The following ENOSF1 variants were observed in gnomAD, a reference collection of about 807,000 sequenced individuals.
The protein encoded by ENOSF1 is mitochondrial enolase superfamily member 1.
ENOSF1 carries 73 observed loss-of-function variants against 68.2 expected under a neutral mutation model. The observed-to-expected ratio is 1.07, with a 90% CI of 0.89 to 1.30. The LOEUF (loss-of-function observed/expected upper bound fraction) is 1.30. Ranked by LOEUF, ENOSF1 falls within the 50% of genes most tolerant of loss-of-function variation. The probability of loss-of-function intolerance (pLI) is 0.00; values close to 1 mark genes in which losing one functional copy is unlikely to be tolerated. For synonymous variants in ENOSF1, 223 were observed against 210.4 expected, an observed-to-expected ratio of 1.06 and a Z score of -0.52; for missense variants, 589 against 554.5, an observed-to-expected ratio of 1.06 and a Z score of -0.62.
chr18:667,523 T>A (rs868756626), downstream of ENOSF1, among the ~76,000 whole-genome samples: 3 of 56,002 alleles, frequency 5.4e-5, no homozygotes, highest in African/African-American at 1.6e-4. Flanking sequence ...ATGGTGATGG[T>A]GATGGAGATG....
intron 2 of ENOSF1, among the ~76,000 whole-genome samples, chr18:703,499 A>T (rs777103372): frequency 6.6e-6 from 1 of 152,186 alleles, no homozygotes; most frequent in Non-Finnish European, 1.5e-5. Flanking sequence ...CAAACAAGGG[A>T]CAATTAGAGT....
Position 691,346 on chromosome 18 carries a change from T to C in ENOSF1, c.424-70A>G, listed in dbSNP as rs563241983. 55 of 1,296,074 alleles carry C rather than the reference T, an allele frequency of 4.2e-5. No homozygotes were observed. The African/African-American group carries it at 7.2e-4, about 17-fold the overall frequency. 80.3% of individuals were successfully genotyped at this position (1,296,074 alleles called of 1,614,324 possible). ...GTGGGTTATATTTTGTTTTTTAAAA[T>C]TTATTATTCTTTTTTTAGAGACAAG... On this transcript the variant is annotated intron_variant, in intron 5 of 15. Coordinates refer to ENST00000647584, the MANE Select transcript of ENOSF1 (RefSeq NM_017512.7).
At chr18:676,335 G>C (rs1406755399) in intron 14 of ENOSF1, among the ~76,000 whole-genome samples, 3 of 152,210 alleles carry the variant, frequency 2.0e-5, no homozygotes, top group Non-Finnish European at 1.5e-5. Flanking sequence ...AGCAGGGCCT[G>C]CTGGGAGGTG....
In ENOSF1 at chr18:671,566, TG is replaced by T. The variant is rs2144384752; in HGVS notation, c.*2738del. 2 of 768,024 alleles carry T rather than the reference TG, an allele frequency of 2.6e-6. No homozygotes were observed. The highest frequency in any genetic ancestry group is 5.1e-5 in the East Asian group (2 of 39,530). The allele number at this position is 768,024 out of a possible 1,614,324, so 47.6% of individuals were successfully genotyped here. A position where few individuals can be genotyped will look rare whatever the true frequency, so the allele number is the denominator to read the frequency against. On this transcript the variant is annotated 3_prime_UTR_variant, in exon 16 of 16. Transcript: ENST00000647584. ...AAGATAAAGATGACTGCTCCAAATG[TG>T]GGGCTTCAGTTTAGGGAGAAGTGGT...
downstream of ENOSF1, among the ~76,000 whole-genome samples, chr18:669,958 A>G (rs1202901241): frequency 6.6e-6 from 1 of 151,770 alleles, no homozygotes; most frequent in African/African-American, 2.4e-5. Context: ...TGAGACCCTG[A>G]ATATTTAAAA....
intron 10 of ENOSF1, among the ~76,000 whole-genome samples, chr18:684,337 G>A (rs941333801): frequency 1.3e-5 from 2 of 151,988 alleles, no homozygotes; most frequent in African/African-American, 4.8e-5. Flanking sequence ...AGACCAGGCT[G>A]GGCAACATAG....
intron 7 of ENOSF1, 79 bp downstream of exon 7, chr18:690,989 G>T: frequency 6.7e-7 from 1 of 1,493,986 alleles, no homozygotes; most frequent in African/African-American, 1.4e-5. Context: ...GGAAGACAAT[G>T]TGTACCCCAA....
chr18:708,207 C>T (rs150150565), intron 1 of ENOSF1, among the ~76,000 whole-genome samples: 2,788 of 152,058 alleles, frequency 0.018, 47 homozygotes, highest in Non-Finnish European at 0.028. Flanking sequence ...ATTGGGGTGT[C>T]GTGGCTGAGG....
chr18:686,270 T>C (rs1157137179), intron 9 of ENOSF1: 1 of 422,628 alleles, frequency 2.4e-6, no homozygotes, highest in African/African-American at 2.0e-5. Context: ...GTCTTTAATA[T>C]AATTAACTCC....
chr18:695,988 GA>G (rs2077671428), intron 3 of ENOSF1, among the ~76,000 whole-genome samples: 1 of 152,098 alleles, frequency 6.6e-6, no homozygotes, highest in Admixed American at 6.6e-5. Flanking sequence ...GCCGGGTTAG[GA>G]AAAGACAAAA....
chr18:711,388 G>C (rs891893916), intron 1 of ENOSF1, among the ~76,000 whole-genome samples: 2 of 152,124 alleles, frequency 1.3e-5, no homozygotes, highest in African/African-American at 2.4e-5. Flanking sequence ...ACATTACAAT[G>C]GGAATTAGAG....
intron 11 of ENOSF1, among the ~76,000 whole-genome samples, chr18:682,724 A>T (rs571287775): frequency 3.5e-5 from 5 of 144,390 alleles, no homozygotes; most frequent in African/African-American, 1.4e-4. Flanking sequence ...CCAAAAAAAA[A>T]AAAAAAAAAA....
At chr18:701,662 CAGG>C (rs2078357381) in intron 2 of ENOSF1, among the ~76,000 whole-genome samples, 1 of 151,020 alleles carries the variant, frequency 6.6e-6, no homozygotes, top group Non-Finnish European at 1.5e-5. Context: ...GAGGCTGAGG[CAGG>C]AGAATGGCGT....
At chr18:694,441 G>T in intron 3 of ENOSF1, 107 bp from the exon 4 acceptor site, 1 of 981,664 alleles carries the variant, frequency 1.0e-6, no homozygotes, top group Non-Finnish European at 1.5e-6. Flanking sequence ...GACCAGCCTG[G>T]CCAACATGGT....
Position 673,183 on chromosome 18 carries a change from TAA to T in ENOSF1, c.*1120_*1121del, listed in dbSNP as rs1012338158. 1.8e-6 allele frequency: 1 copy of T among 547,174 alleles called. No individual in the cohort carries two copies. The highest frequency in any genetic ancestry group is 1.9e-5 in the African/African-American group (1 of 53,802). The allele number at this position is 547,174 out of a possible 1,614,324, so 33.9% of individuals were successfully genotyped here. ...GTAACTGTGCCAGTTCTTTCCATAA[TAA>T]AAGGCTTTGAGTTAACTCACTGAGG... On this transcript the variant is annotated 3_prime_UTR_variant, in exon 16 of 16. Transcript: ENST00000647584.
At chr18:668,976 C>T, downstream of ENOSF1, 1 of 1,015,044 alleles carries the variant, frequency 9.9e-7, no homozygotes, top group Non-Finnish European at 1.5e-6. Context: ...AAGGGGGGAC[C>T]CTGGGTAAGA....
At chr18:667,430 A>T (rs373913226), downstream of ENOSF1, among the ~76,000 whole-genome samples, 27 of 1,688 alleles carry the variant, frequency 0.016, 3 homozygotes, top group Non-Finnish European at 0.021. Context: ...ATGGTGATGG[A>T]GATGGTGATG....
intron 2 of ENOSF1, among the ~76,000 whole-genome samples, chr18:698,253 A>G (rs201436211): frequency 6.6e-6 from 1 of 152,236 alleles, no homozygotes; most frequent in East Asian, 1.9e-4. Flanking sequence ...AATGTTCCCA[A>G]ATTATTTTCC....
At chr18:696,219 T>TTG (rs1357458296) in intron 3 of ENOSF1, among the ~76,000 whole-genome samples, 3 of 147,220 alleles carry the variant, frequency 2.0e-5, no homozygotes, top group East Asian at 4.0e-4. Flanking sequence ...TTTTTTTTTT[T>TTG]TTTTTGTTTT....
Sources: allele counts gnomAD v4.1 joint callset (sites outside exome capture counted in the v4.1 genomes callset), GRCh38; gene constraint gnomAD v4.1.1; transcripts MANE v1.5; gene names NCBI Gene and HGNC (gene_info 2026-07-23, HGNC 2026-07-21).